Variants in ITGB5 observed in about 807,000 individuals in gnomAD.
ITGB5 encodes integrin beta-5.
Under a neutral mutation model 84.8 loss-of-function variants are expected in ITGB5, and 38 were observed. The ratio of observed to expected loss-of-function variants is 0.45; its 90% CI spans 0.35 to 0.59. ITGB5 has a LOEUF of 0.59. Ranked by LOEUF, ITGB5 falls within the 20% of genes least tolerant of loss-of-function variation. ITGB5 has a pLI of 0.01. For missense variants in ITGB5, 905 were observed against 1,034.5 expected (o/e 0.87, Z 1.72); for synonymous variants, 393 against 414.4 (o/e 0.95, Z 0.63).
At chr3:124,838,494 G>A (rs907248055) in intron 5 of ITGB5, among the ~76,000 whole-genome samples, 5 of 152,162 alleles carry the variant, frequency 3.3e-5, no homozygotes, top group Non-Finnish European at 5.9e-5. Flanking sequence ...TAAAACATTG[G>A]GTTGTATCTT....
intron 9 of ITGB5, among the ~76,000 whole-genome samples, chr3:124,797,401 A>G (rs932470760): frequency 6.6e-6 from 1 of 151,972 alleles, no homozygotes; most frequent in Non-Finnish European, 1.5e-5. Flanking sequence ...CCGTGCCCCA[A>G]TTCCTCCTCT....
chr3:124,869,941 A>C (rs1933908842), intron 2 of ITGB5, among the ~76,000 whole-genome samples: 1 of 152,210 alleles, frequency 6.6e-6, no homozygotes, highest in Admixed American at 6.5e-5. Flanking sequence ...ATACTCATGG[A>C]TGACAGTGGC....
upstream of ITGB5, among the ~76,000 whole-genome samples, chr3:124,891,252 C>T (rs1934995340): frequency 6.6e-6 from 1 of 152,172 alleles, no homozygotes; most frequent in Admixed American, 6.5e-5. Context: ...GGGACTCAAA[C>T]AGATACCTGT....
At chr3:124,765,090 A>G (rs745434150) in intron 13 of ITGB5, among the ~76,000 whole-genome samples, 1 of 152,224 alleles carries the variant, frequency 6.6e-6, no homozygotes, top group African/African-American at 2.4e-5. Context: ...CTGGTACCAC[A>G]CTTCTCTCTG....
At chr3:124,883,476 CTGTT>C (rs1934670075) in intron 1 of ITGB5, among the ~76,000 whole-genome samples, 2 of 152,204 alleles carry the variant, frequency 1.3e-5, no homozygotes, top group African/African-American at 4.8e-5. Flanking sequence ...ACCAAACCCA[CTGTT>C]TGTATTTCAT....
Position 124,773,835 on chromosome 3 carries a change from T to C in ITGB5, c.1771A>G (p.Ile591Val). 2 of 1,614,154 alleles carry C rather than the reference T, an allele frequency of 1.2e-6. No individual in the cohort carries two copies. Among genetic ancestry groups the C allele is most frequent in the Non-Finnish European group, 1.7e-6 (2 of 1,180,044 alleles). The change falls in exon 11 of 15, where the codon ATC becomes GTC. Residue 591 changes from isoleucine to valine, a missense_variant. Transcript: ENST00000296181. ...IGDNCNCSTD[I>V]STCRGRDGQI... ...CCATCTCTGCCCCGGCATGTGCTGA[T>C]GTCTGTCGAGCAGTTACAGTTGTCC...
chr3:124,892,341 T>C (rs1321632708), upstream of ITGB5, among the ~76,000 whole-genome samples: 1 of 151,466 alleles, frequency 6.6e-6, no homozygotes, highest in Non-Finnish European at 1.5e-5. Context: ...GTAGTAATAA[T>C]TGCAAAACAT....
intron 9 of ITGB5, among the ~76,000 whole-genome samples, chr3:124,797,141 T>A (rs2064242835): frequency 6.6e-6 from 1 of 152,140 alleles, no homozygotes; most frequent in African/African-American, 2.4e-5. Context: ...CAGTTCTTAT[T>A]CTCCCTTTCT....
intron 2 of ITGB5, 76 bp from the exon 3 acceptor site, chr3:124,859,522 T>C: frequency 8.7e-7 from 1 of 1,147,242 alleles, no homozygotes; most frequent in Non-Finnish European, 1.3e-6. Context: ...CGTGGCTGCG[T>C]CTCCATCTGG....
chr3:124,894,988 C>T (rs932363723), intron 1 of ITGB5, among the ~76,000 whole-genome samples: 1 of 151,132 alleles, frequency 6.6e-6, no homozygotes, highest in African/African-American at 2.4e-5. Context: ...TTGTGTTGGG[C>T]CACATTCAAA....
intron 5 of ITGB5, among the ~76,000 whole-genome samples, chr3:124,826,769 G>A (rs1356991443): frequency 6.6e-6 from 1 of 152,218 alleles, no homozygotes; most frequent in Non-Finnish European, 1.5e-5. Flanking sequence ...TGAATGGAAG[G>A]TTGCATCTAA....
chr3:124,863,398 G>A (rs1224512893), intron 2 of ITGB5: 1 of 152,242 alleles, frequency 6.6e-6, no homozygotes, highest in African/African-American at 2.4e-5. Flanking sequence ...AGCCATAACT[G>A]ATTTGTAGCT....
chr3:124,871,932 C>T (rs77733628), intron 2 of ITGB5, among the ~76,000 whole-genome samples: 5,220 of 151,564 alleles, frequency 0.034, 262 homozygotes, highest in African/African-American at 0.11. Context: ...GGAGAAACAC[C>T]GGGAAGATCA....
intron 13 of ITGB5, among the ~76,000 whole-genome samples, chr3:124,765,937 T>A (rs1026140017): frequency 6.6e-6 from 1 of 151,710 alleles, no homozygotes; most frequent in African/African-American, 2.4e-5. Context: ...TGCATGCCTG[T>A]AGTGCCAGCT....
Position 124,859,297 on chromosome 3 carries a change from T to A in ITGB5, c.306A>T (p.Ala102=). ...LPLSSKGSGS[A]GWDVIQMTPQ... ...GTGTCATCTGAATGACGTCCCAGCC[T>A]GCAGAGCCCGAACCCTTGCTGCTGA... The change falls in exon 3 of 15, where the codon GCA becomes GCT. Residue 102 remains alanine (A), a synonymous_variant. Transcript: ENST00000296181. The A allele has an allele frequency of 6.2e-7, 1 of 1,614,102 alleles. No individual in the cohort carries two copies. Among genetic ancestry groups the A allele is most frequent in the Non-Finnish European group, 8.5e-7 (1 of 1,180,008 alleles).
At chr3:124,815,476 C>T (rs1187343047) in intron 8 of ITGB5, among the ~76,000 whole-genome samples, 1 of 152,206 alleles carries the variant, frequency 6.6e-6, no homozygotes, top group Non-Finnish European at 1.5e-5. Context: ...TGCTCTTCAG[C>T]CATTTCTTCC....
At chr3:124,888,486 G>A (rs1934920426), upstream of ITGB5, among the ~76,000 whole-genome samples, 1 of 152,152 alleles carries the variant, frequency 6.6e-6, no homozygotes, top group African/African-American at 2.4e-5. Flanking sequence ...TGGAGTGGTT[G>A]ATAGGCAAGA....
At position 124,844,224 on chromosome 3, in the gene ITGB5, A is replaced by G. The variant is rs1454038825; in HGVS notation, c.612-2673T>C. On this transcript the variant is annotated intron_variant, in intron 4 of 14. Coordinates refer to ENST00000296181, the MANE Select transcript of ITGB5 (RefSeq NM_002213.5). ...TTTTGGCAAAAAAAAAAAAAAAAAAAAAAAAAAAGAAAACACCAAAAAACA... is the reference window on the plus strand; with the variant it reads ...TTTTGGCAAAAAAAAAAAAAAAAAAGAAAAAAAAGAAAACACCAAAAAACA... Among the ~76,000 whole-genome samples, 49 of 148,278 alleles carry G rather than the reference A, an allele frequency of 3.3e-4. 1 individual carries two copies. The highest frequency in any genetic ancestry group is 5.9e-4 in the Non-Finnish European group (39 of 66,654).
chr3:124,859,554 T>C (rs1403630522), intron 2 of ITGB5, 108 bp from the exon 3 acceptor site: 1 of 769,258 alleles, frequency 1.3e-6, no homozygotes, highest in African/African-American at 1.8e-5. Flanking sequence ...TTCTCTACTT[T>C]CCATTTTCAT....
Sources: allele counts gnomAD v4.1 joint callset (sites outside exome capture counted in the v4.1 genomes callset), GRCh38; gene constraint gnomAD v4.1.1; transcripts MANE v1.5; gene names NCBI Gene and HGNC (gene_info 2026-07-23, HGNC 2026-07-21).